The following TRIP4 variants were observed in gnomAD, a reference collection of about 807,000 sequenced individuals.
TRIP4 encodes the protein activating signal cointegrator 1.
In TRIP4, 54 loss-of-function variants were observed where a neutral mutation model predicts 81.8. The observed-to-expected ratio is 0.66, with a 90% CI of 0.53 to 0.83. The LOEUF (loss-of-function observed/expected upper bound fraction) is 0.83. Among genes scored for constraint, TRIP4 ranks in the 40% least tolerant of loss-of-function variants. TRIP4 has a pLI of 0.00. For synonymous variants in TRIP4, 270 were observed against 242.8 expected, an observed-to-expected ratio of 1.11 and a Z score of -1.04; for missense variants, 662 against 683.6, an observed-to-expected ratio of 0.97 and a Z score of 0.35.
intron 12 of TRIP4, among the ~76,000 whole-genome samples, chr15:64,452,632 A>T (rs1892796782): frequency 6.6e-6 from 1 of 152,038 alleles, no homozygotes. Flanking sequence ...TCCTCCTTTC[A>T]TTTTACAGGT....
At chr15:64,392,821 C>A (rs998826289) in intron 1 of TRIP4, among the ~76,000 whole-genome samples, 1 of 152,022 alleles carries the variant, frequency 6.6e-6, no homozygotes, top group South Asian at 2.1e-4. Context: ...CCCTATGTTG[C>A]CCAGGCTGGT....
At chr15:64,413,595 T>A (rs559035126) in intron 7 of TRIP4, among the ~76,000 whole-genome samples, 60 of 152,138 alleles carry the variant, frequency 3.9e-4, no homozygotes, top group African/African-American at 1.4e-3. Context: ...TATTTTTATT[T>A]TTTTTTATTT....
chr15:64,405,188 T>C (rs1891596557), intron 5 of TRIP4, among the ~76,000 whole-genome samples: 1 of 151,398 alleles, frequency 6.6e-6, no homozygotes, highest in Non-Finnish European at 1.5e-5. Context: ...GGAGTCTTGC[T>C]CTGTCGCCCA....
chr15:64,391,970 CAAAAA>C (rs35193532), intron 1 of TRIP4, among the ~76,000 whole-genome samples: 7 of 23,242 alleles, frequency 3.0e-4, no homozygotes, highest in Non-Finnish European at 4.6e-4. Flanking sequence ...GACTCTGTCT[CAAAAA>C]AAAAAAAAAA....
intron 1 of TRIP4, among the ~76,000 whole-genome samples, chr15:64,392,692 G>C (rs2140547598): frequency 6.6e-6 from 1 of 152,078 alleles, no homozygotes; most frequent in East Asian, 1.9e-4. Flanking sequence ...TCATGGCTCT[G>C]CAGCCTTCAC....
chr15:64,441,466 G>T (rs190622489), intron 11 of TRIP4, among the ~76,000 whole-genome samples: 1 of 152,132 alleles, frequency 6.6e-6, no homozygotes, highest in African/African-American at 2.4e-5. Context: ...TATTGTATCA[G>T]ACGATGGTAA....
chr15:64,430,848 C>T lies in TRIP4; in HGVS notation c.1575+5217C>T, dbSNP rs190053670. On this transcript the variant is annotated intron_variant, in intron 11 of 12. Transcript: ENST00000261884. ...GCTGAAGCAGTTATACTGCTGGGTGCCTGTTTCCAATAATTGACGGCAGTA... is the reference window on the plus strand; with the variant it reads ...GCTGAAGCAGTTATACTGCTGGGTGTCTGTTTCCAATAATTGACGGCAGTA... Among the ~76,000 whole-genome samples, 340 of 152,226 alleles carry T rather than the reference C, an allele frequency of 2.2e-3. 3 individuals carry two copies. Among genetic ancestry groups the T allele is most frequent in the African/African-American group, 7.8e-3 (324 of 41,542 alleles).
intron 11 of TRIP4, among the ~76,000 whole-genome samples, chr15:64,443,667 T>C (rs114209072): frequency 1.8e-4 from 27 of 152,286 alleles, no homozygotes; most frequent in African/African-American, 6.5e-4. Context: ...TAGCCTTACT[T>C]TTCTACCGTG....
chr15:64,425,180 G>A (rs544545066), intron 10 of TRIP4, among the ~76,000 whole-genome samples: 20 of 151,566 alleles, frequency 1.3e-4, no homozygotes, highest in Non-Finnish European at 2.6e-4. Flanking sequence ...CTTGTCACCT[G>A]TAACTGCCTT....
At position 64,418,640 on chromosome 15, in the gene TRIP4, G is replaced by A; in HGVS notation, c.1270G>A (p.Asp424Asn). The A allele has an allele frequency of 6.2e-7, 1 of 1,614,010 alleles. No homozygotes were observed. The highest frequency in any genetic ancestry group is 8.5e-7 in the Non-Finnish European group (1 of 1,180,024). Residue 424 changes from aspartate (D) to asparagine (N), a missense_variant, in exon 9 of 13, where the codon GAT becomes AAT. Coordinates refer to ENST00000261884, the MANE Select transcript of TRIP4 (RefSeq NM_016213.5). ...NSFQHQLRIQ[D>N]QEFQEGFDGG... is the part of the protein sequence containing the mutation. ...ATTTCAGCACCAGTTGCGAATCCAG[G>A]ATCAAGAATTTCAGGAAGGCTTTGA...
chr15:64,431,845 A>ATTTTTTT (rs1237735745), intron 11 of TRIP4, among the ~76,000 whole-genome samples: 18 of 22,722 alleles, frequency 7.9e-4, no homozygotes, highest in Non-Finnish European at 1.9e-3. Context: ...ATATATATAT[A>ATTTTTTT]TATTTTTTTT....
At chr15:64,429,088 G>A (rs913279909) in intron 11 of TRIP4, among the ~76,000 whole-genome samples, 4 of 151,894 alleles carry the variant, frequency 2.6e-5, no homozygotes, top group Non-Finnish European at 5.9e-5. Context: ...GCCGAGGCGG[G>A]TGGATCACTT....
chr15:64,395,889 C>T lies in TRIP4; in HGVS notation c.405+358C>T, dbSNP rs188785995. Reference sequence around the variant, plus strand: ...CCGAATAGCTGGGACTACAGGCATGCGCCACCATACCCAGCTAATTTTCTT... The same window carrying T: ...CCGAATAGCTGGGACTACAGGCATGTGCCACCATACCCAGCTAATTTTCTT... On this transcript the variant is annotated intron_variant, in intron 3 of 12. Coordinates refer to ENST00000261884, the MANE Select transcript of TRIP4 (RefSeq NM_016213.5). Among the ~76,000 whole-genome samples the T allele has an allele frequency of 1.7e-3, 258 of 149,864 alleles. 1 individual carries two copies. The highest frequency in any genetic ancestry group is 5.8e-3 in the African/African-American group (239 of 41,036).
chr15:64,402,805 C>T (rs1427852300), intron 5 of TRIP4, among the ~76,000 whole-genome samples: 1 of 150,900 alleles, frequency 6.6e-6, no homozygotes, highest in African/African-American at 2.4e-5. Flanking sequence ...AGATTACAGG[C>T]GTGAGCCACC....
In TRIP4 at chr15:64,419,347, T is replaced by TTTTTC. The variant is rs1209842729; in HGVS notation, c.1358+639_1358+643dup. Among the ~76,000 whole-genome samples, 13 of 152,184 alleles carry TTTTTC rather than the reference T, an allele frequency of 8.5e-5. No homozygotes were observed. In the South Asian group the frequency reaches 2.1e-3, roughly 24 times the overall value. On this transcript the variant is annotated intron_variant, in intron 9 of 12. Coordinates refer to ENST00000261884, the MANE Select transcript of TRIP4 (RefSeq NM_016213.5). ...TTACTATTCCGTGGTGTCTTGTGTT[T>TTTTTC]TTTTCTTTTCTTTTCTTTTCTTTTT...
intron 7 of TRIP4, among the ~76,000 whole-genome samples, chr15:64,413,733 G>A (rs549682273): frequency 3.9e-5 from 6 of 152,098 alleles, no homozygotes; most frequent in South Asian, 2.1e-4. Flanking sequence ...GACTACAGGC[G>A]TGTGCTACCA....
At chr15:64,450,403 A>G (rs976530456) in intron 12 of TRIP4, among the ~76,000 whole-genome samples, 9 of 150,470 alleles carry the variant, frequency 6.0e-5, no homozygotes, top group East Asian at 3.9e-4. Context: ...GAAAAAAAAA[A>G]AAAAAAAAAA....
chr15:64,414,512 C>CTTTTTTTTTT lies in TRIP4; in HGVS notation c.1170+314_1170+323dup, dbSNP rs869202504. On this transcript the variant is annotated intron_variant, in intron 8 of 12. Coordinates refer to ENST00000261884, the MANE Select transcript of TRIP4 (RefSeq NM_016213.5). ...TGGTTCTTTTGTTAATGCTCTTTCT[C>CTTTTTTTTTT]TTTTTTTTTTTTTTTTTTTTTTGAG... Among the ~76,000 whole-genome samples, 184 of 87,034 alleles carry CTTTTTTTTTT rather than the reference C, an allele frequency of 2.1e-3. 1 individual carries two copies. The highest frequency in any genetic ancestry group is 2.4e-3 in the Non-Finnish European group (116 of 48,368). 57.1% of individuals were successfully genotyped at this position (87,034 alleles called of 152,430 possible). A position where few individuals can be genotyped will look rare whatever the true frequency, so the allele number is the denominator to read the frequency against.
At chr15:64,445,917 G>C (rs1892623292) in intron 12 of TRIP4, among the ~76,000 whole-genome samples, 1 of 152,092 alleles carries the variant, frequency 6.6e-6, no homozygotes, top group Non-Finnish European at 1.5e-5. Flanking sequence ...ATTAAAGGAA[G>C]TAGTAAGGCA....
Sources: gnomAD v4.1 joint callset for allele counts (sites outside exome capture counted in the v4.1 genomes callset) on GRCh38, gnomAD v4.1.1 for gene constraint, MANE v1.5 for transcripts, NCBI Gene and HGNC (gene_info 2026-07-23, HGNC 2026-07-21) for gene names.